Variants in NTM observed in about 807,000 individuals in gnomAD.
The protein encoded by NTM is neurotrimin, also known as IgLON family member 2.
In NTM, 13 loss-of-function variants were observed where a neutral mutation model predicts 42.1. The observed-to-expected ratio is 0.31, with a 90% confidence interval of 0.20 to 0.49. The LOEUF (loss-of-function observed/expected upper bound fraction) is 0.49, where lower values mean the gene tolerates loss of function less well. NTM is among the 20% of genes least tolerant of loss of function. NTM has a pLI of 0.99. For synonymous variants in NTM, 187 were observed against 179.2 expected, an observed-to-expected ratio of 1.04 and a Z score of -0.35; for missense variants, 373 against 452.8, an observed-to-expected ratio of 0.82 and a Z score of 1.60.
At chr11:132,246,857 C>T (rs2091250698) in intron 4 of NTM, among the ~76,000 whole-genome samples, 1 of 152,198 alleles carries the variant, frequency 6.6e-6, no homozygotes, top group South Asian at 2.1e-4. Flanking sequence ...CAGCATGATG[C>T]CTACAGCAGG....
At chr11:131,384,610 G>A (rs1219573172) in intron 1 of NTM, among the ~76,000 whole-genome samples, 1 of 152,174 alleles carries the variant, frequency 6.6e-6, no homozygotes, top group African/African-American at 2.4e-5. Context: ...CAGGGAAGGA[G>A]AGGCAAGAAG....
intron 2 of NTM, among the ~76,000 whole-genome samples, chr11:132,098,413 T>C (rs931507456): frequency 1.3e-5 from 2 of 152,246 alleles, no homozygotes; most frequent in Non-Finnish European, 2.9e-5. Context: ...CATTAATTCA[T>C]CTATTCTGAA....
At chr11:131,649,548 C>T (rs935747020) in intron 1 of NTM, among the ~76,000 whole-genome samples, 5 of 152,106 alleles carry the variant, frequency 3.3e-5, no homozygotes, top group African/African-American at 1.2e-4. Flanking sequence ...AAACTCATTA[C>T]AAGATAACAA....
At chr11:131,458,038 A>T (rs928814229) in intron 1 of NTM, among the ~76,000 whole-genome samples, 2 of 152,160 alleles carry the variant, frequency 1.3e-5, no homozygotes, top group Non-Finnish European at 2.9e-5. Context: ...GCCCAAATGG[A>T]CTGAGGGTAT....
At chr11:131,478,756 A>G (rs1953232188) in intron 1 of NTM, among the ~76,000 whole-genome samples, 1 of 152,238 alleles carries the variant, frequency 6.6e-6, no homozygotes, top group Admixed American at 6.5e-5. Flanking sequence ...CTACCCAGAA[A>G]TGGTTACATT....
chr11:131,673,241 G>A (rs1350025660), intron 1 of NTM, among the ~76,000 whole-genome samples: 1 of 152,170 alleles, frequency 6.6e-6, no homozygotes, highest in African/African-American at 2.4e-5. Flanking sequence ...TACAGCTGGT[G>A]ACCAGGAGGA....
Position 132,104,575 on chromosome 11 carries a change from G to GA in NTM, c.168-41706dup, listed in dbSNP as rs1555263066. Reference sequence around the variant, plus strand: ...GAGACCAGCCTGGGAAACATAGTGGGACCCCCCCCCACCAAAAATAATAAT... The same window carrying GA: ...GAGACCAGCCTGGGAAACATAGTGGGAACCCCCCCCCACCAAAAATAATAAT... On this transcript the variant is annotated intron_variant, in intron 2 of 8. Coordinates refer to ENST00000683400, the MANE Select transcript of NTM (RefSeq NM_001352005.2). Among the ~76,000 whole-genome samples, 4 of 87,326 alleles carry GA rather than the reference G, an allele frequency of 4.6e-5. 1 individual carries two copies. Among genetic ancestry groups the GA allele is most frequent in the African/African-American group, 2.1e-4 (4 of 18,908 alleles). 57.3% of individuals were successfully genotyped at this position (87,326 alleles called of 152,430 possible).
chr11:132,007,382 C>A (rs1191423663), intron 2 of NTM, among the ~76,000 whole-genome samples: 3 of 152,152 alleles, frequency 2.0e-5, no homozygotes, highest in African/African-American at 7.2e-5. Flanking sequence ...TGCCAGGCTG[C>A]ACAGCAGGAC....
chr11:131,834,887 C>G (rs1298853347), intron 1 of NTM, among the ~76,000 whole-genome samples: 1 of 151,992 alleles, frequency 6.6e-6, no homozygotes, highest in Non-Finnish European at 1.5e-5. Context: ...CTAACAAGTA[C>G]AGTGGAGTTG....
At chr11:131,875,736 C>T (rs1226744610) in intron 1 of NTM, among the ~76,000 whole-genome samples, 1 of 152,208 alleles carries the variant, frequency 6.6e-6, no homozygotes, top group Non-Finnish European at 1.5e-5. Flanking sequence ...TGATGAGTCT[C>T]CCTTCTGTGG....
chr11:131,635,644 T>A (rs2064269883), intron 1 of NTM, among the ~76,000 whole-genome samples: 1 of 151,652 alleles, frequency 6.6e-6, no homozygotes, highest in South Asian at 2.1e-4. Context: ...GAATAAAGAC[T>A]TTTTTATTAA....
At chr11:131,989,411 G>A (rs1382811697) in intron 2 of NTM, among the ~76,000 whole-genome samples, 1 of 152,146 alleles carries the variant, frequency 6.6e-6, no homozygotes, top group East Asian at 1.9e-4. Context: ...AAATTACGAT[G>A]TGATATTGCG....
At chr11:132,095,744 C>T (rs769047425) in intron 2 of NTM, among the ~76,000 whole-genome samples, 2 of 152,148 alleles carry the variant, frequency 1.3e-5, no homozygotes, top group South Asian at 2.1e-4. Context: ...AGCTGTGTAT[C>T]ATCATGCAGC....
intron 1 of NTM, among the ~76,000 whole-genome samples, chr11:131,867,888 A>G (rs1037156640): frequency 1.3e-5 from 2 of 152,154 alleles, no homozygotes; most frequent in African/African-American, 4.8e-5. Flanking sequence ...GTTTTGCGGG[A>G]GGCCAGGCTG....
chr11:131,651,499 C>T (rs1192111727), intron 1 of NTM, among the ~76,000 whole-genome samples: 1 of 152,204 alleles, frequency 6.6e-6, no homozygotes, highest in Non-Finnish European at 1.5e-5. Flanking sequence ...GTCATACATT[C>T]AGCTCGGGAC....
chr11:131,499,128 C>T (rs546199836), intron 1 of NTM, among the ~76,000 whole-genome samples: 14 of 152,210 alleles, frequency 9.2e-5, no homozygotes, highest in African/African-American at 2.9e-4. Flanking sequence ...GACCACTAAG[C>T]GGGTGTCCAT....
intron 3 of NTM, among the ~76,000 whole-genome samples, chr11:132,202,089 T>C (rs2081251775): frequency 6.6e-6 from 1 of 152,236 alleles, no homozygotes; most frequent in African/African-American, 2.4e-5. Context: ...ATTGTGACGT[T>C]ATTTCACGTT....
chr11:132,136,333 ACCACCAAAGGTGAGAGGATGTGTTG>A (rs1490730526), intron 2 of NTM, among the ~76,000 whole-genome samples: 1 of 152,232 alleles, frequency 6.6e-6, no homozygotes, highest in African/African-American at 2.4e-5. Context: ...GCACTGTGTT[ACCACCAAAGGTGAGAGGATGTGTTG>A]CCAAGGTCAC....
At chr11:132,290,537 T>C (rs2094422603) in intron 4 of NTM, among the ~76,000 whole-genome samples, 1 of 152,224 alleles carries the variant, frequency 6.6e-6, no homozygotes, top group African/African-American at 2.4e-5. Flanking sequence ...AGAATTAACA[T>C]TGACCTAGTA....
Sources: gnomAD v4.1 joint callset for allele counts (sites outside exome capture counted in the v4.1 genomes callset) on GRCh38, gnomAD v4.1.1 for gene constraint, MANE v1.5 for transcripts, NCBI Gene and HGNC (gene_info 2026-07-23, HGNC 2026-07-21) for gene names.